Variants in FBN1 observed in about 807,000 individuals in gnomAD.
FBN1 encodes the protein fibrillin-1.
In FBN1, 29 loss-of-function variants were observed where a neutral mutation model predicts 365.1. The ratio of observed to expected loss-of-function variants is 0.08; its 90% CI spans 0.06 to 0.11. The LOEUF (loss-of-function observed/expected upper bound fraction) is 0.11. Ranked by LOEUF, FBN1 falls within the 10% of genes least tolerant of loss-of-function variation. The pLI, the probability that FBN1 is intolerant of heterozygous loss-of-function variation, is 1.00. For synonymous variants in FBN1, 1,210 were observed against 1,270.5 expected, an observed-to-expected ratio of 0.95 and a Z score of 1.01; for missense variants, 2,476 against 3,703.2, an observed-to-expected ratio of 0.67 and a Z score of 8.60.
intron 24 of FBN1, among the ~76,000 whole-genome samples, chr15:48,491,812 C>A (rs868018075): frequency 1.3e-5 from 2 of 152,194 alleles, no homozygotes; most frequent in African/African-American, 4.8e-5. Context: ...AGTAGTAACA[C>A]CAGAATAAGT....
At chr15:48,474,982 A>G (rs996440365) in intron 32 of FBN1, among the ~76,000 whole-genome samples, 1 of 152,140 alleles carries the variant, frequency 6.6e-6, no homozygotes, top group African/African-American at 2.4e-5. Flanking sequence ...TCCTTGTCAC[A>G]TATTTTCTTT....
rs951595977 is a variant in FBN1 at position 48,527,343 on chromosome 15, C to T, written c.863-1088G>A. Reference sequence around the variant, plus strand: ...TGACCCACACACTGACAAATGTCAACAGATACGGCACCAGCAGAAGAAGAG... The same window carrying T: ...TGACCCACACACTGACAAATGTCAATAGATACGGCACCAGCAGAAGAAGAG... On this transcript the variant is annotated intron_variant, in intron 8 of 65. Transcript: ENST00000316623. Among the ~76,000 whole-genome samples, 4 of 152,302 alleles carry T rather than the reference C, an allele frequency of 2.6e-5. No homozygotes were observed. In the South Asian group the frequency reaches 8.3e-4, roughly 32 times the overall value.
intron 35 of FBN1, 40 bp from the exon 36 acceptor site, chr15:48,470,796 A>G (rs1323334253): frequency 1.3e-6 from 2 of 1,598,872 alleles, no homozygotes; most frequent in Admixed American, 1.7e-5. Context: ...CTTAACTTAT[A>G]TTTTTCTAAA....
chr15:48,470,752 A>G lies in FBN1; in HGVS notation c.4341T>C (p.Ile1447=). The G allele has an allele frequency of 1.2e-6, 2 of 1,614,018 alleles. No individual in the cohort carries two copies. The highest frequency in any genetic ancestry group is 2.7e-5 in the African/African-American group (2 of 74,992). Reference sequence around the variant, plus strand: ...AGATGTTCGGAAGGGAGCACTCATCAATATCTTGGGGGGAGGGAGAAAAAA... The same window carrying G: ...AGATGTTCGGAAGGGAGCACTCATCGATATCTTGGGGGGAGGGAGAAAAAA... ...PSADGKACED[I]DECSLPNICV... is the part of the protein sequence containing the mutation. Residue 1447 remains isoleucine (I), a synonymous_variant, in exon 36 of 66, where the codon ATT becomes ATC. Transcript: ENST00000316623.
In FBN1 at chr15:48,495,154, C is replaced by T. The variant is rs376040442; in HGVS notation, c.2646G>A (p.Ala882=). 22 of 1,613,998 alleles carry T rather than the reference C, an allele frequency of 1.4e-5. No individual in the cohort carries two copies. In the Middle Eastern group the frequency reaches 6.6e-4, roughly 48 times the overall value. ...GGCATAGGGTGCACGGGCTTCCCCA[C>T]GCAGCACCGAGGGAGGAGCAGCACT... The part of the protein sequence containing the change: ...KSQCCSSLGA[A]WGSPCTLCQV... Residue 882 remains alanine, a synonymous_variant, in exon 22 of 66, where the codon GCG becomes GCA. Coordinates refer to ENST00000316623, the MANE Select transcript of FBN1 (RefSeq NM_000138.5).
In FBN1 at chr15:48,495,163, G is replaced by T; in HGVS notation, c.2637C>A (p.Leu879=). The stretch of plus-strand genomic sequence containing the variant: ...TGCACGGGCTTCCCCACGCAGCACC[G>T]AGGGAGGAGCAGCACTGGGACTTTA... ...ATLKSQCCSS[L]GAAWGSPCTL... The change falls in exon 22 of 66, where the codon CTC becomes CTA. Residue 879 remains leucine (L), a synonymous_variant. Transcript: ENST00000316623. 6.2e-7 allele frequency: 1 copy of T among 1,614,164 alleles called. No individual in the cohort carries two copies.
intron 8 of FBN1, among the ~76,000 whole-genome samples, chr15:48,533,361 A>G (rs958208825): frequency 9.9e-5 from 15 of 152,202 alleles, no homozygotes; most frequent in Admixed American, 5.2e-4. Context: ...AGAGAGTCCA[A>G]TGCTGCCTAC....
intron 6 of FBN1, among the ~76,000 whole-genome samples, chr15:48,568,049 G>GAAAGAAAGAAGAAAGAAGAAAGA: frequency 2.5e-5 from 1 of 40,146 alleles, no homozygotes; most frequent in African/African-American, 1.4e-4. Context: ...AAGAAAGAAA[G>GAAAGAAAGAAGAAAGAAGAAAGA]AAGAAAGAAA....
Position 48,444,646 on chromosome 15 carries a change from G to C in FBN1, c.5932C>G (p.Leu1978Val). The C allele has an allele frequency of 2.5e-6, 4 of 1,613,392 alleles. No individual in the cohort carries two copies. Among genetic ancestry groups the C allele is most frequent in the Non-Finnish European group, 3.4e-6 (4 of 1,179,588 alleles). Residue 1978 changes from leucine (L) to valine (V), a missense_variant, in exon 49 of 66, where the codon CTT (leucine) becomes GTT (valine). By Grantham distance (32) the Leu-to-Val change is conservative (BLOSUM62 1). Around this residue, in one of 5 missense-constraint regions of FBN1, gnomAD observed 1,780 missense variants for 2,840.8 expected, o/e 0.63. Coordinates refer to ENST00000316623, the MANE Select transcript of FBN1 (RefSeq NM_000138.5). The stretch of plus-strand genomic sequence containing the variant: ...GGTGCACATTTTCTGGGTTCTAGAA[G>C]ACATTCATTGATATCTGCAAAGAAA... ...GRTCVDINEC[L>V]LEPRKCAPGT... is the part of the protein sequence containing the mutation.
intron 23 of FBN1, 123 bp from the exon 24 acceptor site, chr15:48,492,709 T>C (rs971613802): frequency 1.0e-5 from 8 of 797,334 alleles, no homozygotes; most frequent in Non-Finnish European, 1.6e-5. Flanking sequence ...CTAGTTTGCC[T>C]ACAAGTAGTT....
intron 2 of FBN1, among the ~76,000 whole-genome samples, chr15:48,640,318 T>C (rs1890175955): frequency 6.6e-6 from 1 of 152,152 alleles, no homozygotes. Context: ...ACTATATCCT[T>C]TTTTAAAAAA....
intron 4 of FBN1, among the ~76,000 whole-genome samples, chr15:48,607,438 C>G (rs1024904008): frequency 4.7e-5 from 7 of 150,258 alleles, no homozygotes; most frequent in Admixed American, 4.6e-4. Flanking sequence ...GAAACTTAGT[C>G]CCTAATGGGA....
chr15:48,631,289 A>G (rs148456172), intron 2 of FBN1, among the ~76,000 whole-genome samples: 2 of 152,320 alleles, frequency 1.3e-5, no homozygotes, highest in East Asian at 1.9e-4. Flanking sequence ...CATGGCATGA[A>G]GCCAAAGGAA....
In FBN1 at chr15:48,422,025, T is replaced by C. The variant is rs148516442; in HGVS notation, c.7497A>G (p.Leu2499=). ...CATKQHNCQF[L]CVNTIGGFTC... is the part of the protein sequence containing the mutation. The stretch of plus-strand genomic sequence containing the variant: ...TGAAGCCGCCAATGGTGTTAACACA[T>C]AGGAACTGGCAGTTGTGTTGCTTGG... The change falls in exon 61 of 66, where the codon CTA becomes CTG. Residue 2499 remains leucine, a synonymous_variant. Coordinates refer to ENST00000316623, the MANE Select transcript of FBN1 (RefSeq NM_000138.5). 4.4e-4 allele frequency: 714 copies of C among 1,614,044 alleles called. 4 individuals are homozygous for C. In the African/African-American group the frequency reaches 8.2e-3, roughly 19 times the overall value.
chr15:48,601,705 T>A (rs2044569310), intron 4 of FBN1, among the ~76,000 whole-genome samples: 1 of 152,186 alleles, frequency 6.6e-6, no homozygotes, highest in Non-Finnish European at 1.5e-5. Context: ...ACAATTTTTA[T>A]AAGGAGCTAC....
chr15:48,442,502 A>G (rs1302559353), intron 49 of FBN1, among the ~76,000 whole-genome samples: 1 of 152,218 alleles, frequency 6.6e-6, no homozygotes, highest in African/African-American at 2.4e-5. Flanking sequence ...TTCATCATAT[A>G]GACAATAGGA....
chr15:48,600,634 G>A (rs527677189), intron 4 of FBN1, among the ~76,000 whole-genome samples: 2 of 152,184 alleles, frequency 1.3e-5, no homozygotes, highest in African/African-American at 2.4e-5. Context: ...AACCTGGGGG[G>A]GCAGAGGTTG....
At chr15:48,429,799 G>A (rs561335635) in intron 56 of FBN1, among the ~76,000 whole-genome samples, 67 of 152,270 alleles carry the variant, frequency 4.4e-4, no homozygotes, top group African/African-American at 1.6e-3. Flanking sequence ...GAGTAAAAGG[G>A]CAATGGGATT....
intron 35 of FBN1, 137 bp from the exon 36 acceptor site, chr15:48,470,893 A>G (rs1200650111): frequency 1.0e-6 from 1 of 984,466 alleles, no homozygotes. Flanking sequence ...CTTCTCCTAT[A>G]GACTTTTAGA....
Sources: gnomAD v4.1 joint callset for allele counts (sites outside exome capture counted in the v4.1 genomes callset) on GRCh38, gnomAD v4.1.1 for gene constraint, gnomAD v4.1.1 regional missense constraint, MANE v1.5 for transcripts, NCBI Gene and HGNC (gene_info 2026-07-23, HGNC 2026-07-21) for gene names.